DOK6: variants seen among roughly 807,000 people sequenced by gnomAD.
DOK6 encodes downstream of tyrosine kinase 6.
Under a neutral mutation model 44.0 loss-of-function variants are expected in DOK6, and 22 were observed. The observed-to-expected ratio is 0.50, with a 90% CI of 0.36 to 0.71. The LOEUF (loss-of-function observed/expected upper bound fraction) is 0.71, where lower values mean the gene tolerates loss of function less well. Ranked by LOEUF, DOK6 falls within the 30% of genes least tolerant of loss-of-function variation. The probability of loss-of-function intolerance (pLI) is 0.00; values close to 1 mark genes in which losing one functional copy is unlikely to be tolerated. For missense variants in DOK6, 340 were observed against 416.4 expected (o/e 0.82, Z 1.60); for synonymous variants, 166 against 145.5 (o/e 1.14, Z -1.01).
At chr18:69,678,220 G>A (rs1985968534) in intron 4 of DOK6, among the ~76,000 whole-genome samples, 1 of 152,156 alleles carries the variant, frequency 6.6e-6, no homozygotes, top group Non-Finnish European at 1.5e-5. Flanking sequence ...CTGCACTCCA[G>A]CCTGGACAAC....
intron 3 of DOK6, among the ~76,000 whole-genome samples, chr18:69,618,251 G>A (rs1221326723): frequency 6.6e-6 from 1 of 152,146 alleles, no homozygotes. Flanking sequence ...TCATTTTTAC[G>A]TCAGTCCTAG....
At chr18:69,646,009 G>T (rs1248059780) in intron 3 of DOK6, among the ~76,000 whole-genome samples, 1 of 151,906 alleles carries the variant, frequency 6.6e-6, no homozygotes, top group Non-Finnish European at 1.5e-5. Flanking sequence ...TTTTTACCTG[G>T]GATCTAAAAG....
chr18:69,640,724 A>C (rs1306283251), intron 3 of DOK6, among the ~76,000 whole-genome samples: 1 of 152,210 alleles, frequency 6.6e-6, no homozygotes, highest in Non-Finnish European at 1.5e-5. Flanking sequence ...ACATTAAAAA[A>C]TATTTCCTTT....
At chr18:69,679,501 C>T (rs1260751811) in intron 4 of DOK6, among the ~76,000 whole-genome samples, 1 of 152,220 alleles carries the variant, frequency 6.6e-6, no homozygotes, top group Admixed American at 6.5e-5. Flanking sequence ...TCCTCTCCCA[C>T]ACTCTCTCAA....
At chr18:69,489,270 T>C (rs901122143) in intron 1 of DOK6, among the ~76,000 whole-genome samples, 1 of 152,166 alleles carries the variant, frequency 6.6e-6, no homozygotes, top group Non-Finnish European at 1.5e-5. Context: ...TCTGAAGAAA[T>C]TGTCAGTACA....
In DOK6 at chr18:69,637,267, G is replaced by A. The variant is rs147076367; in HGVS notation, c.289+37769G>A. Among the ~76,000 whole-genome samples the A allele has an allele frequency of 3.4e-3, 521 of 152,234 alleles. 1 individual carries two copies. Among genetic ancestry groups the A allele is most frequent in the Middle Eastern group, 0.02 (6 of 294 alleles). ...ACAAAGAGTTCACAAGAGATGTTCA[G>A]GAAAATAAATTTTCACGGTCACGTG... On this transcript the variant is annotated intron_variant, in intron 3 of 7. Coordinates refer to ENST00000382713, the MANE Select transcript of DOK6 (RefSeq NM_152721.6).
chr18:69,612,430 C>G (rs1984171295), intron 3 of DOK6, among the ~76,000 whole-genome samples: 1 of 147,274 alleles, frequency 6.8e-6, no homozygotes, highest in Non-Finnish European at 1.5e-5. Context: ...TGCGAGGGCG[C>G]ATGTGTGCGA....
At chr18:69,748,690 C>T (rs772467045) in intron 6 of DOK6, among the ~76,000 whole-genome samples, 3 of 152,134 alleles carry the variant, frequency 2.0e-5, no homozygotes, top group Non-Finnish European at 4.4e-5. Flanking sequence ...GTAATAGGAA[C>T]ATTTTTACAC....
At chr18:69,823,515 C>T (rs1168912164) in intron 7 of DOK6, among the ~76,000 whole-genome samples, 4 of 151,974 alleles carry the variant, frequency 2.6e-5, no homozygotes, top group Non-Finnish European at 4.4e-5. Context: ...TGTGTAGTTT[C>T]TAAGAGGGCC....
At chr18:69,839,516 C>T (rs1156918330) in intron 7 of DOK6, among the ~76,000 whole-genome samples, 1 of 152,202 alleles carries the variant, frequency 6.6e-6, no homozygotes, top group Non-Finnish European at 1.5e-5. Context: ...CCTCCTCTGC[C>T]CTGCTTCATT....
At chr18:69,612,279 A>G (rs1984161211) in intron 3 of DOK6, among the ~76,000 whole-genome samples, 1 of 152,162 alleles carries the variant, frequency 6.6e-6, no homozygotes, top group Non-Finnish European at 1.5e-5. Flanking sequence ...TTTTCAAGAA[A>G]ACTGGCAATT....
intron 1 of DOK6, among the ~76,000 whole-genome samples, chr18:69,553,780 T>C (rs1359573106): frequency 2.0e-5 from 3 of 152,196 alleles, no homozygotes; most frequent in Non-Finnish European, 4.4e-5. Context: ...TTTTAACAGA[T>C]AAACTAAAGA....
chr18:69,833,194 T>C (rs1396641016), intron 7 of DOK6, among the ~76,000 whole-genome samples: 1 of 152,110 alleles, frequency 6.6e-6, no homozygotes, highest in Admixed American at 6.5e-5. Context: ...AAAAACAGCA[T>C]GGTACTGGCA....
At chr18:69,684,126 T>A (rs1052305358) in intron 4 of DOK6, among the ~76,000 whole-genome samples, 6 of 152,218 alleles carry the variant, frequency 3.9e-5, no homozygotes, top group Non-Finnish European at 8.8e-5. Context: ...CATTGTGTTG[T>A]ACCATTTTAC....
intron 2 of DOK6, among the ~76,000 whole-genome samples, chr18:69,570,014 G>A (rs1028094014): frequency 6.6e-6 from 1 of 151,848 alleles, no homozygotes; most frequent in Admixed American, 6.6e-5. Flanking sequence ...CAGAATGAGA[G>A]GAACAACAAA....
chr18:69,401,848 G>A (rs1336985481), intron 1 of DOK6, among the ~76,000 whole-genome samples: 1 of 152,128 alleles, frequency 6.6e-6, no homozygotes, highest in African/African-American at 2.4e-5. Flanking sequence ...CCCGCGCCCC[G>A]CAAGTGCTCC....
At chr18:69,470,589 C>T (rs1030319950) in intron 1 of DOK6, among the ~76,000 whole-genome samples, 4 of 152,084 alleles carry the variant, frequency 2.6e-5, no homozygotes, top group African/African-American at 2.4e-5. Context: ...TCACTCATTG[C>T]GGATCCCACC....
intron 3 of DOK6, among the ~76,000 whole-genome samples, chr18:69,641,352 GATTT>G (rs763937906): frequency 2.6e-5 from 4 of 152,050 alleles, no homozygotes; most frequent in Non-Finnish European, 5.9e-5. Context: ...AATTTAATCA[GATTT>G]ATTTTTTATA....
At chr18:69,752,186 A>G (rs1225199764) in intron 6 of DOK6, among the ~76,000 whole-genome samples, 1 of 152,186 alleles carries the variant, frequency 6.6e-6, no homozygotes, top group Non-Finnish European at 1.5e-5. Flanking sequence ...AAAAATATAG[A>G]AACATTATCC....
Sources: allele counts gnomAD v4.1 joint callset (sites outside exome capture counted in the v4.1 genomes callset), GRCh38; gene constraint gnomAD v4.1.1; transcripts MANE v1.5; gene names NCBI Gene and HGNC (gene_info 2026-07-23, HGNC 2026-07-21).